The following COL4A3 variants were observed in gnomAD, a reference collection of about 807,000 sequenced individuals.
COL4A3 encodes collagen alpha-3(IV) chain.
Under a neutral mutation model 217.4 loss-of-function variants are expected in COL4A3, and 135 were observed. That is an observed-to-expected ratio of 0.62 (90% CI 0.54 to 0.72). The LOEUF (loss-of-function observed/expected upper bound fraction) is 0.72. Ranked by LOEUF, COL4A3 falls within the 30% of genes least tolerant of loss-of-function variation. COL4A3 has a pLI of 0.00. For missense variants in COL4A3, 1,868 were observed against 2,119.9 expected, an observed-to-expected ratio of 0.88 and a Z score of 2.33; for synonymous variants, 690 against 736.3, an observed-to-expected ratio of 0.94 and a Z score of 1.02.
rs28381984 is a variant in COL4A3, at chr2:227,270,915, C to T, written c.1721C>T (p.Pro574Leu). 772,900 of 1,613,562 alleles carry T rather than the reference C, an allele frequency of 0.48. 189,564 individuals are homozygous for T. The highest frequency in any genetic ancestry group is 0.59 in the South Asian group (53,284 of 91,072). ...GGCTTGGATGGAATTCCTGGAACTC[C>T]GGGAGTGAAAGGATTACCAGGACCT... is the stretch of plus-strand genomic sequence containing the variant. ...RKGLDGIPGT[P>L]GVKGLPGPKG... Residue 574 changes from proline (P) to leucine (L), a missense_variant, in exon 25 of 52, where the codon CCG (proline) becomes CTG (leucine). Physicochemically the swap from Pro to Leu is moderately conservative, Grantham distance 98. Coordinates refer to ENST00000396578, the MANE Select transcript of COL4A3 (RefSeq NM_000091.5).
chr2:227,164,691 C>T lies in COL4A3; in HGVS notation c.-36C>T. Reference sequence around the variant, plus strand: ...CGCGGTGGCCTGAGAGCCTGAGGGTCCCCGGACTCGCCCAGGCTCTGAGCG... The same window carrying T: ...CGCGGTGGCCTGAGAGCCTGAGGGTTCCCGGACTCGCCCAGGCTCTGAGCG... On this transcript the variant is annotated 5_prime_UTR_variant, in exon 1 of 52. Coordinates refer to ENST00000396578, the MANE Select transcript of COL4A3 (RefSeq NM_000091.5). This position sits in a 1 kb window ranked among gnomAD's most constrained non-coding sequence, Gnocchi z 4.8. 2 of 1,530,204 alleles carry T rather than the reference C, an allele frequency of 1.3e-6. No homozygotes were observed. Among genetic ancestry groups the T allele is most frequent in the Admixed American group, 2.0e-5 (1 of 50,882 alleles). The allele number at this position is 1,530,204 out of a possible 1,614,324, so 94.8% of individuals were successfully genotyped here. A position where few individuals can be genotyped will look rare whatever the true frequency, so the allele number is the denominator to read the frequency against.
chr2:227,270,025 T>G lies in COL4A3; in HGVS notation c.1575+45T>G, dbSNP rs374334368. 41 of 1,527,006 alleles carry G rather than the reference T, an allele frequency of 2.7e-5. 1 individual carries two copies. Among genetic ancestry groups the G allele is most frequent in the Middle Eastern group, 3.4e-4 (2 of 5,930 alleles). The allele number at this position is 1,527,006 out of a possible 1,614,324, so 94.6% of individuals were successfully genotyped here. ...AATCTTTAGCTTCAATTTGACAAATTGCACACTCTAGAAATATGGTTGCAA... is the reference window on the plus strand; with the variant it reads ...AATCTTTAGCTTCAATTTGACAAATGGCACACTCTAGAAATATGGTTGCAA... On this transcript the variant is annotated intron_variant, in intron 24 of 51. Transcript: ENST00000396578.
chr2:227,249,265 T>G (rs1201220428), intron 9 of COL4A3, among the ~76,000 whole-genome samples: 1 of 121,224 alleles, frequency 8.2e-6, no homozygotes, highest in Non-Finnish European at 1.7e-5. Flanking sequence ...AGAAGGAGTC[T>G]GGCTCTGTCG....
chr2:227,308,881 A>C lies in COL4A3; in HGVS notation c.4463-18A>C. Reference sequence around the variant, plus strand: ...CTTTAACTTACTGAAAGTGATACTCAGTCTGATGTTTCATTAGGAACTCTT... The same window carrying C: ...CTTTAACTTACTGAAAGTGATACTCCGTCTGATGTTTCATTAGGAACTCTT... On this transcript the variant is annotated intron_variant, in intron 48 of 51. Coordinates refer to ENST00000396578, the MANE Select transcript of COL4A3 (RefSeq NM_000091.5). 1 of 1,612,492 alleles carries C rather than the reference A, an allele frequency of 6.2e-7. No homozygotes were observed. The highest frequency in any genetic ancestry group is 8.5e-7 in the Non-Finnish European group (1 of 1,179,230).
intron 28 of COL4A3, 41 bp downstream of exon 28, chr2:227,277,594 T>A: frequency 8.4e-7 from 1 of 1,187,646 alleles, no homozygotes; most frequent in Non-Finnish European, 1.2e-6. Flanking sequence ...TTGTTGTGGA[T>A]ATTTAGAAGA....
intron 18 of COL4A3, chr2:227,259,303 T>G (rs1463670700): frequency 1.3e-5 from 2 of 153,056 alleles, no homozygotes; most frequent in African/African-American, 4.8e-5. Flanking sequence ...AAAGAAACAA[T>G]AAATACAGTA....
In COL4A3 at chr2:227,261,167, A is replaced by C. The variant is rs1364255010; in HGVS notation, c.1150+50A>C. 3.5e-6 allele frequency: 5 copies of C among 1,429,784 alleles called. No individual in the cohort carries two copies. The Admixed American group carries it at 6.8e-5, about 19-fold the overall frequency. The allele number at this position is 1,429,784 out of a possible 1,614,324, so 88.6% of individuals were successfully genotyped here. On this transcript the variant is annotated intron_variant, in intron 20 of 51. Transcript: ENST00000396578. ...AAATAGAAATGCTATTACAAAGGAA[A>C]ATAAGCTGTCCTCTATTAAGTTTAC...
At position 227,253,528 on chromosome 2, in the gene COL4A3, T is replaced by C. The variant is rs757380351; in HGVS notation, c.688-33T>C. ...ACATTGAAATGTTGATGCTGTTGTT[T>C]ATTTTCTCACTCCTGAGTGTTTTTG... On this transcript the variant is annotated intron_variant, in intron 12 of 51. Coordinates refer to ENST00000396578, the MANE Select transcript of COL4A3 (RefSeq NM_000091.5). The surrounding 1 kb of genome is among the most constrained non-coding windows in gnomAD (Gnocchi z 4.4). 1.9e-6 allele frequency: 3 copies of C among 1,573,704 alleles called. No homozygotes were observed. The highest frequency in any genetic ancestry group is 8.7e-7 in the Non-Finnish European group (1 of 1,143,340).
chr2:227,289,009 G>A (rs1301532465), intron 34 of COL4A3, 141 bp from the exon 35 acceptor site: 6 of 636,546 alleles, frequency 9.4e-6, no homozygotes, highest in Non-Finnish European at 1.8e-5. Context: ...GGAGTGCAGT[G>A]GCACGATCTC....
At chr2:227,301,805 A>C (rs941236573) in intron 43 of COL4A3, 3 of 152,224 alleles carry the variant, frequency 2.0e-5, no homozygotes, top group African/African-American at 7.2e-5. Flanking sequence ...TAGCCTCAAG[A>C]GAACAGGCAG....
Position 227,164,927 on chromosome 2 carries a change from G to A in COL4A3, c.87+114G>A. 1 of 1,273,946 alleles carries A rather than the reference G, an allele frequency of 7.8e-7. No individual in the cohort carries two copies. The highest frequency in any genetic ancestry group is 1.0e-6 in the Non-Finnish European group (1 of 973,292). 78.9% of individuals were successfully genotyped at this position (1,273,946 alleles called of 1,614,324 possible). A position where few individuals can be genotyped will look rare whatever the true frequency, so the allele number is the denominator to read the frequency against. The stretch of plus-strand genomic sequence containing the variant: ...CGGTAGTGGAGCGGCTGCCGGGCTA[G>A]TGGCGAGGCTGAGGGCTTCACGCAG... On this transcript the variant is annotated intron_variant, in intron 1 of 51. Coordinates refer to ENST00000396578, the MANE Select transcript of COL4A3 (RefSeq NM_000091.5). This position sits in a 1 kb window ranked among gnomAD's most constrained non-coding sequence, Gnocchi z 4.8.
chr2:227,246,843 T>A (rs771682797), intron 7 of COL4A3, 105 bp downstream of exon 7: 2 of 962,422 alleles, frequency 2.1e-6, no homozygotes, highest in Non-Finnish European at 3.4e-6. Flanking sequence ...TAGGGAAGTC[T>A]GGGGTAGCCA....
chr2:227,194,089 GAGGAAAGAAGGAAGGAAGGA>G (rs1308265745), intron 1 of COL4A3, among the ~76,000 whole-genome samples: 1 of 87,368 alleles, frequency 1.1e-5, no homozygotes, highest in Non-Finnish European at 2.3e-5. Context: ...GAGAGGGAGG[GAGGAAAGAAGGAAGGAAGGA>G]AGGAAGAGTC....
chr2:227,231,487 T>G (rs28638416), intron 1 of COL4A3, among the ~76,000 whole-genome samples: 48,685 of 151,998 alleles, frequency 0.32, 8,236 homozygotes, highest in Non-Finnish European at 0.36. Context: ...ATCCATCCCC[T>G]CAAGCATTTA....
In COL4A3 at chr2:227,254,240, G is replaced by C. The variant is rs754591166; in HGVS notation, c.828+66G>C. ...GTAGAGCCTTAGTATTTACTTTGATGTGTGTTTTGTCTTAAGTTGTTTTTT... is the reference window on the plus strand; with the variant it reads ...GTAGAGCCTTAGTATTTACTTTGATCTGTGTTTTGTCTTAAGTTGTTTTTT... On this transcript the variant is annotated intron_variant, in intron 14 of 51. Transcript: ENST00000396578. The C allele has an allele frequency of 5.0e-6, 7 of 1,401,846 alleles. No homozygotes were observed. In the East Asian group the frequency reaches 1.6e-4, roughly 32 times the overall value. 86.8% of individuals were successfully genotyped at this position (1,401,846 alleles called of 1,614,324 possible).
intron 1 of COL4A3, among the ~76,000 whole-genome samples, chr2:227,183,596 G>A (rs2065925221): frequency 6.6e-6 from 1 of 152,126 alleles, no homozygotes; most frequent in Non-Finnish European, 1.5e-5. Flanking sequence ...TTGGCCAAAA[G>A]GACTCCAAAC....
chr2:227,273,650 C>T (rs1444443869), intron 26 of COL4A3, among the ~76,000 whole-genome samples: 1 of 152,154 alleles, frequency 6.6e-6, no homozygotes, highest in Non-Finnish European at 1.5e-5. Context: ...CAACCCCAAA[C>T]AATCCTTGCT....
chr2:227,224,922 T>G (rs2068004457), intron 1 of COL4A3, among the ~76,000 whole-genome samples: 1 of 152,346 alleles, frequency 6.6e-6, no homozygotes, highest in South Asian at 2.1e-4. Flanking sequence ...TTTGTTTTGT[T>G]CTTGTTTTTG....
intron 26 of COL4A3, 33 bp downstream of exon 26, chr2:227,273,150 G>C: frequency 6.2e-7 from 1 of 1,610,346 alleles, no homozygotes; most frequent in African/African-American, 1.3e-5. Flanking sequence ...CCTGTTTTCC[G>C]ATGGAGTGGG....
Sources: allele counts gnomAD v4.1 joint callset (sites outside exome capture counted in the v4.1 genomes callset), GRCh38; gene constraint gnomAD v4.1.1; non-coding constraint Gnocchi (gnomAD v3.1); transcripts MANE v1.5; gene names NCBI Gene and HGNC (gene_info 2026-07-23, HGNC 2026-07-21).